SEMA5A: variants seen among roughly 807,000 people sequenced by gnomAD.
SEMA5A encodes the protein semaphorin 5A, also known as semaphorin-5A.
SEMA5A carries 55 observed loss-of-function variants against 135.5 expected under a neutral mutation model. That is an observed-to-expected ratio of 0.41 (90% CI 0.33 to 0.51). SEMA5A has a LOEUF of 0.51. Ranked by LOEUF, SEMA5A falls within the 20% of genes least tolerant of loss-of-function variation. The pLI, the probability that SEMA5A is intolerant of heterozygous loss-of-function variation, is 0.37. For missense variants in SEMA5A, 1,290 were observed against 1,419.9 expected, an observed-to-expected ratio of 0.91 and a Z score of 1.47; for synonymous variants, 580 against 546.5, an observed-to-expected ratio of 1.06 and a Z score of -0.85.
chr5:9,301,339 T>C (rs1751601616), intron 5 of SEMA5A, among the ~76,000 whole-genome samples: 1 of 152,214 alleles, frequency 6.6e-6, no homozygotes. Flanking sequence ...GTCATTGAAA[T>C]CTGTTTCGAG....
In SEMA5A at chr5:9,377,146, C is replaced by T. The variant is rs375790387; in HGVS notation, c.124+2677G>A. Among the ~76,000 whole-genome samples the T allele has an allele frequency of 2.6e-5, 4 of 151,368 alleles. 1 individual carries two copies. In the East Asian group the frequency reaches 7.8e-4, roughly 29 times the overall value. ...AAAGAATGACATCAATCTCTACACT[C>T]TTCTAGAGAGTAGGCTCCAGCATAT... On this transcript the variant is annotated intron_variant, in intron 3 of 22. Coordinates refer to ENST00000382496, the MANE Select transcript of SEMA5A (RefSeq NM_003966.3).
chr5:9,150,636 G>T (rs1742582979), intron 12 of SEMA5A, among the ~76,000 whole-genome samples: 1 of 152,152 alleles, frequency 6.6e-6, no homozygotes, highest in East Asian at 1.9e-4. Flanking sequence ...GTACAGGCAG[G>T]TGTTCTCTCA....
chr5:9,182,159 C>CAA, intron 11 of SEMA5A, among the ~76,000 whole-genome samples: 1 of 141,018 alleles, frequency 7.1e-6, no homozygotes, highest in South Asian at 2.3e-4. Flanking sequence ...GCCCCCCACC[C>CAA]CAAAAAAAAA....
chr5:9,235,116 A>G (rs1747829428), intron 6 of SEMA5A, among the ~76,000 whole-genome samples: 1 of 152,214 alleles, frequency 6.6e-6, no homozygotes, highest in South Asian at 2.1e-4. Flanking sequence ...CTTCCAGACT[A>G]TGAGGAGGAA....
chr5:9,507,989 G>C (rs1735990820), intron 1 of SEMA5A, among the ~76,000 whole-genome samples: 1 of 142,916 alleles, frequency 7.0e-6, no homozygotes, highest in African/African-American at 2.6e-5. Context: ...GGGCGAGAGA[G>C]CAAGACTCTG....
At chr5:9,477,015 G>A (rs1759693828) in intron 1 of SEMA5A, among the ~76,000 whole-genome samples, 1 of 152,110 alleles carries the variant, frequency 6.6e-6, no homozygotes, top group Non-Finnish European at 1.5e-5. Context: ...ATCAAGGGAG[G>A]GAGGAACCTG....
At chr5:9,053,981 C>T (rs763135070) in intron 19 of SEMA5A, 106 bp downstream of exon 19, 7 of 1,328,448 alleles carry the variant, frequency 5.3e-6, no homozygotes, top group Non-Finnish European at 7.1e-6. Context: ...TGCCCACCCC[C>T]CTTTCAGTAC....
At chr5:9,072,310 CTG>C (rs1378530858) in intron 16 of SEMA5A, among the ~76,000 whole-genome samples, 2 of 152,078 alleles carry the variant, frequency 1.3e-5, no homozygotes, top group African/African-American at 2.4e-5. Flanking sequence ...AGGCTAGAGA[CTG>C]AGAAGACAGG....
intron 13 of SEMA5A, among the ~76,000 whole-genome samples, chr5:9,129,131 GA>G (rs1216187915): frequency 1.3e-5 from 2 of 152,240 alleles, no homozygotes; most frequent in Admixed American, 1.3e-4. Flanking sequence ...GAGCTCATAA[GA>G]AAGGCACAGG....
At chr5:9,505,179 T>C (rs991735196) in intron 1 of SEMA5A, among the ~76,000 whole-genome samples, 22 of 152,124 alleles carry the variant, frequency 1.4e-4, no homozygotes, top group African/African-American at 5.3e-4. Context: ...ATTCCTACAA[T>C]GATAAGCTGA....
intron 1 of SEMA5A, among the ~76,000 whole-genome samples, chr5:9,486,718 T>C (rs1337061880): frequency 6.6e-6 from 1 of 152,012 alleles, no homozygotes; most frequent in Non-Finnish European, 1.5e-5. Flanking sequence ...TAAGACAGAA[T>C]GCAAGAAGAA....
At chr5:9,188,474 G>A (rs773771711) in intron 11 of SEMA5A, among the ~76,000 whole-genome samples, 14 of 152,134 alleles carry the variant, frequency 9.2e-5, no homozygotes, top group African/African-American at 3.1e-4. Flanking sequence ...TGGGGAGTAC[G>A]TCCAAAGGCT....
At chr5:9,138,004 GT>G (rs1741855661) in intron 12 of SEMA5A, among the ~76,000 whole-genome samples, 1 of 152,136 alleles carries the variant, frequency 6.6e-6, no homozygotes, top group Non-Finnish European at 1.5e-5. Context: ...GGGAAGATAT[GT>G]TTACAGTTGA....
At chr5:9,193,962 T>A (rs928886974) in intron 10 of SEMA5A, among the ~76,000 whole-genome samples, 2 of 152,196 alleles carry the variant, frequency 1.3e-5, no homozygotes, top group Admixed American at 6.5e-5. Flanking sequence ...CAGGATCAGA[T>A]CTACGCACTT....
At chr5:9,404,091 T>C (rs1425630772) in intron 2 of SEMA5A, among the ~76,000 whole-genome samples, 3 of 152,152 alleles carry the variant, frequency 2.0e-5, no homozygotes, top group African/African-American at 7.2e-5. Context: ...CATGCCACCA[T>C]GCCAGGCTAA....
At chr5:9,073,691 T>A (rs1737891175) in intron 16 of SEMA5A, among the ~76,000 whole-genome samples, 1 of 152,144 alleles carries the variant, frequency 6.6e-6, no homozygotes, top group Non-Finnish European at 1.5e-5. Flanking sequence ...AATATGATTG[T>A]CTATGTAGAA....
At chr5:9,288,067 A>G (rs1424438091) in intron 5 of SEMA5A, among the ~76,000 whole-genome samples, 1 of 152,136 alleles carries the variant, frequency 6.6e-6, no homozygotes, top group East Asian at 1.9e-4. Context: ...GACACATGAC[A>G]TATCTAAAAT....
At chr5:9,271,836 T>C (rs1454447707) in intron 5 of SEMA5A, among the ~76,000 whole-genome samples, 1 of 152,128 alleles carries the variant, frequency 6.6e-6, no homozygotes, top group African/African-American at 2.4e-5. Flanking sequence ...CCGGCCCAGA[T>C]ACTGCACTTT....
At chr5:9,525,478 A>G (rs565342180) in intron 1 of SEMA5A, among the ~76,000 whole-genome samples, 3 of 152,350 alleles carry the variant, frequency 2.0e-5, no homozygotes, top group South Asian at 4.1e-4. Context: ...AAGGCTCTCA[A>G]TGCAACAGTT....
Sources: allele counts gnomAD v4.1 joint callset (sites outside exome capture counted in the v4.1 genomes callset), GRCh38; gene constraint gnomAD v4.1.1; transcripts MANE v1.5; gene names NCBI Gene and HGNC (gene_info 2026-07-23, HGNC 2026-07-21).